RIOX2: variants seen among roughly 807,000 people sequenced by gnomAD.
The protein encoded by RIOX2 is 60S ribosomal protein L27a histidine hydroxylase.
Under a neutral mutation model 51.2 loss-of-function variants are expected in RIOX2, and 43 were observed. The ratio of observed to expected loss-of-function variants is 0.84; its 90% CI spans 0.66 to 1.08. The LOEUF is 1.08. Among genes scored for constraint, RIOX2 ranks in the 50% least tolerant of loss-of-function variants. RIOX2 has a pLI of 0.00. For missense variants in RIOX2, 566 were observed against 561.7 expected (o/e 1.01, Z -0.08); for synonymous variants, 226 against 218.5 (o/e 1.03, Z -0.30).
chr3:97,944,507 C>CACTT lies in RIOX2; in HGVS notation c.*673_*676dup, dbSNP rs1559753334. The CACTT allele has an allele frequency of 1.3e-5, 2 of 152,306 alleles. No individual in the cohort carries two copies. Among genetic ancestry groups the CACTT allele is most frequent in the African/African-American group, 4.8e-5 (2 of 41,382 alleles). The allele number at this position is 152,306 out of a possible 1,614,324, so 9.4% of individuals were successfully genotyped here. Reference sequence around the variant, plus strand: ...ATTTTAAAAAATATCAACCTACATGCACTTTAGAATGTAAAATAACAATGA... The same window carrying CACTT: ...ATTTTAAAAAATATCAACCTACATGCACTTACTTTAGAATGTAAAATAACAATGA... On this transcript the variant is annotated 3_prime_UTR_variant, in exon 10 of 10. Transcript: ENST00000394198.
At chr3:97,969,492 G>A (rs1032232139) in intron 1 of RIOX2, among the ~76,000 whole-genome samples, 8 of 152,222 alleles carry the variant, frequency 5.3e-5, no homozygotes, top group Admixed American at 2.0e-4. Context: ...GCTTGTGGCC[G>A]ATGTCTGAGA....
At position 97,942,501 on chromosome 3, in the gene RIOX2, C is replaced by A; in HGVS notation, c.*2683G>T. The A allele has an allele frequency of 6.9e-7, 1 of 1,450,180 alleles. No individual in the cohort carries two copies. Among genetic ancestry groups the A allele is most frequent in the Non-Finnish European group, 9.3e-7 (1 of 1,073,058 alleles). 89.8% of individuals were successfully genotyped at this position (1,450,180 alleles called of 1,614,324 possible). A position where few individuals can be genotyped will look rare whatever the true frequency, so the allele number is the denominator to read the frequency against. Reference sequence around the variant, plus strand: ...CTGGATATTAGTTTCAGTTCCAAATCTCCTCATTTTGGGTAAAGGACATCC... The same window carrying A: ...CTGGATATTAGTTTCAGTTCCAAATATCCTCATTTTGGGTAAAGGACATCC... On this transcript the variant is annotated 3_prime_UTR_variant, in exon 10 of 10. Coordinates refer to ENST00000394198, the MANE Select transcript of RIOX2 (RefSeq NM_153182.4).
At chr3:97,962,694 T>G (rs1705730911) in intron 2 of RIOX2, among the ~76,000 whole-genome samples, 1 of 152,114 alleles carries the variant, frequency 6.6e-6, no homozygotes, top group South Asian at 2.1e-4. Context: ...TATTAGCACT[T>G]CCTATGTGCC....
At chr3:97,949,395 T>C (rs1006554532) in intron 7 of RIOX2, among the ~76,000 whole-genome samples, 7 of 152,154 alleles carry the variant, frequency 4.6e-5, no homozygotes, top group East Asian at 3.9e-4. Flanking sequence ...CCATGCTTCT[T>C]GTACAGCCTG....
chr3:97,966,632 A>T (rs1705901952), intron 2 of RIOX2, among the ~76,000 whole-genome samples: 1 of 152,174 alleles, frequency 6.6e-6, no homozygotes, highest in Non-Finnish European at 1.5e-5. Context: ...CAGGTACCTC[A>T]ATGTCACCCA....
At chr3:97,950,174 CTCA>C in intron 6 of RIOX2, 159 bp from the exon 7 acceptor site, 1 of 691,592 alleles carries the variant, frequency 1.4e-6, no homozygotes, top group Non-Finnish European at 2.4e-6. Flanking sequence ...AGAATGATAT[CTCA>C]TCATTTCCTT....
rs2040255563 is a variant in RIOX2, at chr3:97,942,551, C to A, written c.*2633G>T. ...CTTATGTATAAGAGAAATGTTAAGT[C>A]ATTTAAAATTATGCTTGAAGAAAAT... On this transcript the variant is annotated 3_prime_UTR_variant, in exon 10 of 10. Transcript: ENST00000394198. 1 of 1,039,210 alleles carries A rather than the reference C, an allele frequency of 9.6e-7. No individual in the cohort carries two copies. The highest frequency in any genetic ancestry group is 1.3e-6 in the Non-Finnish European group (1 of 741,738). 64.4% of individuals were successfully genotyped at this position (1,039,210 alleles called of 1,614,324 possible).
chr3:97,946,795 G>A (rs1454568616), intron 8 of RIOX2, among the ~76,000 whole-genome samples: 1 of 151,688 alleles, frequency 6.6e-6, no homozygotes, highest in East Asian at 1.9e-4. Context: ...CTTTAGGACT[G>A]TACAGGGAGC....
intron 8 of RIOX2, 29 bp downstream of exon 8, chr3:97,947,332 C>T: frequency 6.4e-7 from 1 of 1,558,592 alleles, no homozygotes; most frequent in Non-Finnish European, 8.8e-7. Context: ...CCTGAGAAGA[C>T]AGGAAATCTC....
chr3:97,965,579 CT>C (rs1220962326), intron 2 of RIOX2, among the ~76,000 whole-genome samples: 1 of 151,982 alleles, frequency 6.6e-6, no homozygotes, highest in Non-Finnish European at 1.5e-5. Context: ...AAAGCTCATC[CT>C]TCCTGCTTTA....
At chr3:97,962,320 G>T (rs1401029427) in intron 2 of RIOX2, among the ~76,000 whole-genome samples, 1 of 140,034 alleles carries the variant, frequency 7.1e-6, no homozygotes, top group African/African-American at 2.6e-5. Context: ...AAAAAAAAGA[G>T]TTTTATATTA....
rs1230888365 is a variant in RIOX2, at chr3:97,961,701, A to AAG, written c.439_440insCT (p.Leu147ProfsTer23). The AAG allele has an allele frequency of 1.4e-5, 23 of 1,588,592 alleles. No individual in the cohort carries two copies. Among genetic ancestry groups the AAG allele is most frequent in the Non-Finnish European group, 2.0e-5 (23 of 1,173,470 alleles). Reference sequence around the variant, plus strand: ...TTCCAGCTTCTCCTGGATCCTCCAAAGCTCATCCTTTACAAAAAAGGAAAA... The same window carrying AAG: ...TTCCAGCTTCTCCTGGATCCTCCAAAAGGCTCATCCTTTACAAAAAAGGAAAA... On this transcript the variant is annotated frameshift_variant, in exon 3 of 10. Transcript: ENST00000394198. LOFTEE classifies it high-confidence loss of function.
At chr3:97,945,730 A>C in intron 9 of RIOX2, 68 bp downstream of exon 9, 1 of 1,247,798 alleles carries the variant, frequency 8.0e-7, no homozygotes, top group East Asian at 2.3e-5. Context: ...TGTAAATCAA[A>C]AATAATCAAT....
intron 2 of RIOX2, among the ~76,000 whole-genome samples, chr3:97,966,625 G>A (rs1434075705): frequency 6.6e-6 from 1 of 152,184 alleles, no homozygotes; most frequent in Admixed American, 6.5e-5. Context: ...GCAGTTCCAG[G>A]TACCTCAATG....
intron 1 of RIOX2, among the ~76,000 whole-genome samples, chr3:97,969,648 C>A (rs1706044707): frequency 6.6e-6 from 1 of 152,186 alleles, no homozygotes; most frequent in Non-Finnish European, 1.5e-5. Context: ...CAGGGGTGGC[C>A]TAAGTGAAAA....
At chr3:97,965,016 A>G (rs1035700389) in intron 2 of RIOX2, among the ~76,000 whole-genome samples, 2 of 152,044 alleles carry the variant, frequency 1.3e-5, no homozygotes, top group Non-Finnish European at 2.9e-5. Context: ...TGTTCACTCT[A>G]ACAGTCTCTC....
rs757816857 is a variant in RIOX2, at chr3:97,942,393, A to G, written c.*2791T>C. The G allele has an allele frequency of 3.1e-6, 5 of 1,611,758 alleles. No homozygotes were observed. Among genetic ancestry groups the G allele is most frequent in the Non-Finnish European group, 4.2e-6 (5 of 1,178,512 alleles). ...AGGCAGAAGTGGAGACTGAATAAAA[A>G]TGGAACTATCAGCTCTTATCTCAGT... On this transcript the variant is annotated 3_prime_UTR_variant, in exon 10 of 10. Transcript: ENST00000394198.
intron 8 of RIOX2, among the ~76,000 whole-genome samples, 170 bp downstream of exon 8, chr3:97,947,191 G>A (rs1396982532): frequency 2.0e-5 from 3 of 152,112 alleles, no homozygotes; most frequent in Non-Finnish European, 4.4e-5. Context: ...AGAAAATATG[G>A]AATTGGAACT....
chr3:97,961,688 C>T lies in RIOX2; in HGVS notation c.453G>A (p.Gln151=), dbSNP rs771780506. The T allele has an allele frequency of 6.2e-7, 1 of 1,610,744 alleles. No individual in the cohort carries two copies. The highest frequency in any genetic ancestry group is 2.2e-5 in the East Asian group (1 of 44,694). ...QRFKDELWRI[Q]EKLECYFGSL... ...AGCCAAAGTAACATTCCAGCTTCTC[C>T]TGGATCCTCCAAAGCTCATCCTTTA... Residue 151 remains glutamine (Q), a synonymous_variant, in exon 3 of 10, where the codon CAG becomes CAA. Transcript: ENST00000394198.
Sources: gnomAD v4.1 joint callset for allele counts (sites outside exome capture counted in the v4.1 genomes callset) on GRCh38, gnomAD v4.1.1 for gene constraint, MANE v1.5 for transcripts, NCBI Gene and HGNC (gene_info 2026-07-23, HGNC 2026-07-21) for gene names.